The following ABI3BP variants were observed in gnomAD, a reference collection of about 807,000 sequenced individuals.
The protein encoded by ABI3BP is target of Nesh-SH3.
ABI3BP carries 216 observed loss-of-function variants against 268.6 expected under a neutral mutation model. The observed-to-expected ratio is 0.80, with a 90% CI of 0.72 to 0.90. ABI3BP has a LOEUF of 0.90. ABI3BP is among the 40% of genes least tolerant of loss of function. ABI3BP has a pLI of 0.00. For synonymous variants in ABI3BP, 730 were observed against 730.0 expected (o/e 1.00, Z 0.00); for missense variants, 2,090 against 2,182.4 (o/e 0.96, Z 0.84).
intron 13 of ABI3BP, 128 bp from the exon 14 acceptor site, chr3:100,862,513 G>T: frequency 1.6e-6 from 1 of 635,444 alleles, no homozygotes; most frequent in African/African-American, 1.8e-5. Context: ...ACAATAAAAA[G>T]TCATTATATA....
chr3:100,869,330 G>GTTTTTTCTTTTTTTTTTTTTTTT (rs2099085664), intron 9 of ABI3BP, among the ~76,000 whole-genome samples: 1 of 49,754 alleles, frequency 2.0e-5, no homozygotes, highest in African/African-American at 8.2e-5. Context: ...CTTCTTTTTG[G>GTTTTTTCTTTTTTTTTTTTTTTT]TTTTTTTTTT....
intron 51 of ABI3BP, among the ~76,000 whole-genome samples, chr3:100,799,055 A>G (rs2097443166): frequency 6.6e-6 from 1 of 151,868 alleles, no homozygotes; most frequent in South Asian, 2.1e-4. Context: ...CTATTTGTCC[A>G]TGTTTTCATT....
At chr3:100,840,750 A>C (rs1328989941) in intron 22 of ABI3BP, 70 bp downstream of exon 22, 3 of 1,299,418 alleles carry the variant, frequency 2.3e-6, no homozygotes, top group African/African-American at 3.0e-5. Flanking sequence ...CATTAATGTG[A>C]GTCTGTCAAC....
At chr3:100,825,261 CA>C (rs1187949459) in intron 35 of ABI3BP, among the ~76,000 whole-genome samples, 2 of 151,992 alleles carry the variant, frequency 1.3e-5, no homozygotes, top group African/African-American at 4.8e-5. Flanking sequence ...GTTAGAGTCA[CA>C]TTAAGGAAGA....
chr3:100,853,280 A>T (rs1157280125), intron 14 of ABI3BP, among the ~76,000 whole-genome samples: 1 of 152,224 alleles, frequency 6.6e-6, no homozygotes, highest in Non-Finnish European at 1.5e-5. Flanking sequence ...GAATGCATCT[A>T]TTATATTGTA....
At position 100,796,353 on chromosome 3, in the gene ABI3BP, A is replaced by T. The variant is rs1490021868; in HGVS notation, c.3817+56T>A. ...CATTAAAAATATATTTACTTCAAGA[A>T]TTTTTTTTTTTGAAAAATATACTTC... On this transcript the variant is annotated intron_variant, in intron 52 of 67. Coordinates refer to ENST00000471714, the MANE Select transcript of ABI3BP (RefSeq NM_001375547.2). The T allele has an allele frequency of 3.0e-5, 36 of 1,199,440 alleles. No individual in the cohort carries two copies. In the South Asian group the frequency reaches 3.0e-4, roughly 10 times the overall value. 74.3% of individuals were successfully genotyped at this position (1,199,440 alleles called of 1,614,324 possible). A position where few individuals can be genotyped will look rare whatever the true frequency, so the allele number is the denominator to read the frequency against.
intron 1 of ABI3BP, among the ~76,000 whole-genome samples, chr3:100,927,795 G>A (rs1397311353): frequency 6.6e-6 from 1 of 152,044 alleles, no homozygotes; most frequent in East Asian, 1.9e-4. Flanking sequence ...ATTTGAATGG[G>A]GACATAGAGC....
chr3:100,978,768 A>T (rs1576241184), intron 1 of ABI3BP, among the ~76,000 whole-genome samples: 1 of 152,208 alleles, frequency 6.6e-6, no homozygotes, highest in East Asian at 1.9e-4. Flanking sequence ...ACTTTCTTCA[A>T]AGTAGTACCC....
chr3:100,941,118 C>T lies in ABI3BP; in HGVS notation c.80-14637G>A, dbSNP rs369193232. ...CTGCCTCAGTGCCAAGGAATGGGGG[C>T]TTTTTAAAAAAATCAAAACTTTACT... On this transcript the variant is annotated intron_variant, in intron 1 of 67. Transcript: ENST00000471714. Among the ~76,000 whole-genome samples the T allele has an allele frequency of 9.2e-5, 14 of 151,362 alleles. No individual in the cohort carries two copies. In the East Asian group the frequency reaches 9.8e-4, roughly 11 times the overall value.
rs1453726012 is a variant in ABI3BP, at chr3:100,824,892, A to G, written c.2712T>C (p.Thr904=). 26 of 1,535,998 alleles carry G rather than the reference A, an allele frequency of 1.7e-5. No homozygotes were observed. Among genetic ancestry groups the G allele is most frequent in the Non-Finnish European group, 2.3e-5 (26 of 1,146,714 alleles). ...RTRPPRPRPK[T]TPSPQAPETK... ...TCTCAGGTGCCTGAGGGCTCGGTGT[A>G]GTTTTAGGTCTGGGACGTGGAGGGC... Residue 904 remains threonine (T), a synonymous_variant, in exon 36 of 68, where the codon ACT becomes ACC. Transcript: ENST00000471714.
chr3:100,992,016 G>C (rs1355796334), intron 1 of ABI3BP, among the ~76,000 whole-genome samples: 2 of 152,062 alleles, frequency 1.3e-5, no homozygotes. Flanking sequence ...TCCATTAGTA[G>C]GTACAATTAA....
rs190377986 is a variant in ABI3BP at position 100,810,296 on chromosome 3, C to A, written c.3607+116G>T. 9.2e-4 allele frequency: 728 copies of A among 790,224 alleles called. 3 individuals carry two copies. In the African/African-American group the frequency reaches 0.011, roughly 12 times the overall value. The allele number at this position is 790,224 out of a possible 1,614,324, so 49.0% of individuals were successfully genotyped here. On this transcript the variant is annotated intron_variant, in intron 49 of 67. Transcript: ENST00000471714. ...GCAGGACATCAGACAGGTAGGATTACCCATCAAAGTCTGTGGGCAGAATGA... is the reference window on the plus strand; with the variant it reads ...GCAGGACATCAGACAGGTAGGATTAACCATCAAAGTCTGTGGGCAGAATGA...
Position 100,749,414 on chromosome 3 carries a change from G to C in ABI3BP, c.*1081C>G, listed in dbSNP as rs2095202176. The C allele has an allele frequency of 2.6e-6, 1 of 381,882 alleles. No individual in the cohort carries two copies. 23.7% of individuals were successfully genotyped at this position (381,882 alleles called of 1,614,324 possible). On this transcript the variant is annotated 3_prime_UTR_variant, in exon 68 of 68. Transcript: ENST00000471714. ...AAAATGTAGCGTTGATAAGATTGAA[G>C]CATGTTGAAAGGTAAGTACAGGGAA...
chr3:100,842,206 G>A (rs557287063), intron 20 of ABI3BP, among the ~76,000 whole-genome samples, 167 bp from the exon 21 acceptor site: 1 of 152,320 alleles, frequency 6.6e-6, no homozygotes, highest in East Asian at 1.9e-4. Flanking sequence ...CAAACCACAA[G>A]AATTGAGAAT....
At chr3:100,956,072 C>T (rs147318636) in intron 1 of ABI3BP, among the ~76,000 whole-genome samples, 3,637 of 151,864 alleles carry the variant, frequency 0.024, 148 homozygotes, top group African/African-American at 0.083. Flanking sequence ...CCTGTAATCC[C>T]AGCTACTTGG....
intron 51 of ABI3BP, among the ~76,000 whole-genome samples, chr3:100,804,379 C>G (rs2097637046): frequency 6.6e-6 from 1 of 152,128 alleles, no homozygotes; most frequent in Non-Finnish European, 1.5e-5. Context: ...GGACATAGTA[C>G]AATTTATGTA....
chr3:100,936,668 T>C (rs919675260), intron 1 of ABI3BP, among the ~76,000 whole-genome samples: 1 of 152,126 alleles, frequency 6.6e-6, no homozygotes, highest in Non-Finnish European at 1.5e-5. Flanking sequence ...TTGTTATTGG[T>C]CTATTCAGGG....
chr3:100,985,289 A>G (rs144923850), intron 1 of ABI3BP, among the ~76,000 whole-genome samples: 490 of 151,584 alleles, frequency 3.2e-3, no homozygotes, highest in African/African-American at 0.011. Context: ...AGCTGTGACT[A>G]TGGGCACGTG....
chr3:100,755,268 G>C (rs775161821), intron 63 of ABI3BP, among the ~76,000 whole-genome samples: 1 of 152,204 alleles, frequency 6.6e-6, no homozygotes, highest in Non-Finnish European at 1.5e-5. Flanking sequence ...TTCCCTAGGT[G>C]AGTCATGTGC....
Sources: gnomAD v4.1 joint callset for allele counts (sites outside exome capture counted in the v4.1 genomes callset) on GRCh38, gnomAD v4.1.1 for gene constraint, MANE v1.5 for transcripts, NCBI Gene and HGNC (gene_info 2026-07-23, HGNC 2026-07-21) for gene names.